The following ROBO4 variants were observed in gnomAD, a reference collection of about 807,000 sequenced individuals.
ROBO4 encodes the protein roundabout guidance receptor 4.
A neutral mutation model predicts 103.3 loss-of-function variants in ROBO4; 80 were observed. The observed-to-expected ratio is 0.77, with a 90% CI of 0.65 to 0.93. ROBO4 has a LOEUF of 0.93. ROBO4 is among the 40% of genes least tolerant of loss of function. ROBO4 has a pLI of 0.00. For missense variants in ROBO4, 1,333 were observed against 1,305.3 expected, an observed-to-expected ratio of 1.02 and a Z score of -0.33; for synonymous variants, 504 against 529.7, an observed-to-expected ratio of 0.95 and a Z score of 0.67.
chr11:124,887,501 T>C lies in ROBO4; in HGVS notation c.2057-2A>G. ...CAACCAGAGCTTGGGGCACAGCTCC[T>C]GGGGAAGAGAAGCCTGGGTGTGAGA... On this transcript the variant is annotated splice_acceptor_variant, in intron 13 of 17. Coordinates refer to ENST00000306534, the MANE Select transcript of ROBO4 (RefSeq NM_019055.6). LOFTEE classifies it high-confidence loss of function. 6.2e-7 allele frequency: 1 copy of C among 1,613,616 alleles called. No individual in the cohort carries two copies.
rs749759161 is a variant in ROBO4, at chr11:124,891,713, C to T, written c.1637G>A (p.Ser546Asn). Residue 546 changes from serine (S) to asparagine (N), a missense_variant, in exon 11 of 18, where the codon AGT becomes AAT. Physicochemically the swap from Ser to Asn is conservative, Grantham distance 46 (BLOSUM62 1). Transcript: ENST00000306534. Reference protein sequence around the residue: ...RDLSSSSSLSSRLGADARDPL... With the variant: ...RDLSSSSSLSNRLGADARDPL... ...GTCCCGGGCATCCGCCCCCAGCCGA[C>T]TGCTGAGGCTGCTGCTGCTGCTCAG... 2 of 1,614,162 alleles carry T rather than the reference C, an allele frequency of 1.2e-6. No homozygotes were observed. The highest frequency in any genetic ancestry group is 1.1e-5 in the South Asian group (1 of 91,082).
chr11:124,892,238 T>C (rs1024595810), intron 10 of ROBO4: 3 of 354,994 alleles, frequency 8.5e-6, no homozygotes, highest in African/African-American at 6.4e-5. Context: ...ACTGATGGTC[T>C]GGGTTTATAT....
chr11:124,893,203 G>T (rs1032156772), intron 10 of ROBO4, among the ~76,000 whole-genome samples: 1 of 152,204 alleles, frequency 6.6e-6, no homozygotes, highest in African/African-American at 2.4e-5. Context: ...AAGCAGAAGG[G>T]CCCATGGGCA....
At position 124,897,251 on chromosome 11, in the gene ROBO4, A is replaced by G; in HGVS notation, c.81T>C (p.Ala27=). The G allele has an allele frequency of 1.4e-6, 2 of 1,445,374 alleles. No individual in the cohort carries two copies. The highest frequency in any genetic ancestry group is 9.1e-7 in the Non-Finnish European group (1 of 1,099,952). The allele number at this position is 1,445,374 out of a possible 1,614,324, so 89.5% of individuals were successfully genotyped here. ...LLLLLIMGGM[A]QDSPPQILVH... ...CTAGGATCTGGGGCGGGGAGTCCTG[A>G]GCCATGCCTCCTGGGAGGGAAAGGG... Residue 27 remains alanine, a synonymous_variant, in exon 2 of 18, where the codon GCT becomes GCC. Coordinates refer to ENST00000306534, the MANE Select transcript of ROBO4 (RefSeq NM_019055.6).
In ROBO4 at chr11:124,885,163, C is replaced by A; in HGVS notation, c.2879G>T (p.Trp960Leu). The A allele has an allele frequency of 1.2e-6, 2 of 1,614,042 alleles. No individual in the cohort carries two copies. Among genetic ancestry groups the A allele is most frequent in the Non-Finnish European group, 1.7e-6 (2 of 1,180,020 alleles). The change falls in exon 17 of 18, where the codon TGG (tryptophan) becomes TTG (leucine). Residue 960 changes from tryptophan to leucine, a missense_variant. By Grantham distance (61) the Trp-to-Leu change is moderately conservative. Coordinates refer to ENST00000306534, the MANE Select transcript of ROBO4 (RefSeq NM_019055.6). Reference protein sequence around the residue: ...SLPLWEWRPDWLEDMEVSHTQ... With the variant: ...SLPLWEWRPDLLEDMEVSHTQ... ...GTGGCTGACCTCCATGTCTTCCAAC[C>A]AGTCTGGCCTCCACTCCCACAGGGG...
At position 124,896,219 on chromosome 11, in the gene ROBO4, C is replaced by T. The variant is rs780263134; in HGVS notation, c.658G>A (p.Ala220Thr). The change falls in exon 4 of 18, where the codon GCA becomes ACA. Residue 220 changes from alanine to threonine, a missense_variant. Transcript: ENST00000306534. ...TTACCCTGGATGGAAACCCGGGCTG[C>T]GCGGCTCTCCCTATGTCCTGCGCTG... is the stretch of plus-strand genomic sequence containing the variant. ...TNSAGHRESR[A>T]ARVSIQEPQD... 35 of 1,613,980 alleles carry T rather than the reference C, an allele frequency of 2.2e-5. No individual in the cohort carries two copies. The East Asian group carries it at 2.5e-4, about 11-fold the overall frequency.
chr11:124,896,438 G>C, intron 3 of ROBO4, 75 bp downstream of exon 3: 1 of 1,589,142 alleles, frequency 6.3e-7, no homozygotes, highest in Non-Finnish European at 8.6e-7. Context: ...GGGGCTGGAC[G>C]GCAGGTCAGT....
At position 124,893,669 on chromosome 11, in the gene ROBO4, C is replaced by T. The variant is rs1256982506; in HGVS notation, c.1547+19G>A. 4 of 1,612,650 alleles carry T rather than the reference C, an allele frequency of 2.5e-6. No homozygotes were observed. The Admixed American group carries it at 6.7e-5, about 27-fold the overall frequency. The stretch of plus-strand genomic sequence containing the variant: ...CTTGCCACCCTCCCTTACTTCAGAC[C>T]TCCCCTTTCACCTCTCACCTGTGTT... On this transcript the variant is annotated intron_variant, in intron 10 of 17. Coordinates refer to ENST00000306534, the MANE Select transcript of ROBO4 (RefSeq NM_019055.6).
At position 124,890,296 on chromosome 11, in the gene ROBO4, TG is replaced by T. The variant is rs370706935; in HGVS notation, c.1948+1002del. The stretch of plus-strand genomic sequence containing the variant: ...GCTGTTAATTATCTTAATCCATCTT[TG>T]TCTTATTAAAAGTTGGATTAAATCC... On this transcript the variant is annotated intron_variant, in intron 12 of 17. Coordinates refer to ENST00000306534, the MANE Select transcript of ROBO4 (RefSeq NM_019055.6). Among the ~76,000 whole-genome samples, 476 of 152,378 alleles carry T rather than the reference TG, an allele frequency of 3.1e-3. 4 individuals are homozygous for T. Among genetic ancestry groups the T allele is most frequent in the African/African-American group, 0.011 (449 of 41,584 alleles).
Position 124,887,179 on chromosome 11 carries a change from G to T in ROBO4, c.2233C>A (p.Leu745Met), listed in dbSNP as rs1035554890. 36 of 1,601,564 alleles carry T rather than the reference G, an allele frequency of 2.2e-5. No individual in the cohort carries two copies. The highest frequency in any genetic ancestry group is 2.8e-5 in the Non-Finnish European group (33 of 1,172,902). Residue 745 changes from leucine (L) to methionine (M), a missense_variant, in exon 15 of 18, where the codon CTG (leucine) becomes ATG (methionine). Transcript: ENST00000306534. ...ATGGGGATGGGGGCTGCTGGCAGCA[G>T]GATGGAGGAGGGAGCCTGTGGTGCC... Reference protein sequence around the residue: ...PVAPQAPSSILLPAAPIPILS... With the variant: ...PVAPQAPSSIMLPAAPIPILS...
intron 7 of ROBO4, 113 bp from the exon 8 acceptor site, chr11:124,894,482 G>T: frequency 9.5e-7 from 1 of 1,053,554 alleles, no homozygotes; most frequent in Non-Finnish European, 1.3e-6. Flanking sequence ...CATCCACTTG[G>T]GGAATGCACC....
chr11:124,887,073 G>A lies in ROBO4; in HGVS notation c.2339C>T (p.Ser780Phe), dbSNP rs369752260. ...ATCCTCCCCCAGGGATGACAGTGAG[G>A]AGCTGGACAGGCGACTGGAAGCTGG... ...PSPASSRLSS[S>F]SLSSLGEDQD... The change falls in exon 15 of 18, where the codon TCC becomes TTC. Residue 780 changes from serine to phenylalanine, a missense_variant. Physicochemically the swap from Ser to Phe is radical, Grantham distance 155. Transcript: ENST00000306534. The A allele has an allele frequency of 6.2e-6, 10 of 1,613,768 alleles. No individual in the cohort carries two copies. Among genetic ancestry groups the A allele is most frequent in the African/African-American group, 2.7e-5 (2 of 74,878 alleles).
Position 124,895,810 on chromosome 11 carries a change from C to G in ROBO4, c.782G>C (p.Arg261Thr). 1.2e-6 allele frequency: 2 copies of G among 1,614,170 alleles called. No homozygotes were observed. Among genetic ancestry groups the G allele is most frequent in the Non-Finnish European group, 1.7e-6 (2 of 1,180,030 alleles). ...CTTCCAGCTGAGCCACACCGCCGGT[C>G]TAGGCTTGGGGCCCTCTGCAGGATC... ...NPDPAEGPKP[R>T]PAVWLSWKVS... The change falls in exon 5 of 18, where the codon AGA becomes ACA. Residue 261 changes from arginine to threonine, a missense_variant. Arg to Thr is a moderately conservative substitution (Grantham distance 71). Transcript: ENST00000306534.
chr11:124,890,303 T>C (rs1392898161), intron 12 of ROBO4, among the ~76,000 whole-genome samples: 1 of 152,156 alleles, frequency 6.6e-6, no homozygotes. Context: ...CTTTGTCTTA[T>C]TAAAAGTTGG....
Position 124,893,880 on chromosome 11 carries a change from G to A in ROBO4, c.1484C>T (p.Ala495Val). ...TAVCIHRRRR[A>V]RVHLGPGLYR... is the part of the protein sequence containing the mutation. The stretch of plus-strand genomic sequence containing the variant: ...CTCACCTGGGCCCAGGTGCACCCTA[G>A]CTCGGCGCCGGCGGTGGATACACAC... The change falls in exon 9 of 18, where the codon GCT (alanine) becomes GTT (valine). Residue 495 changes from alanine (A) to valine (V), a missense_variant. Ala to Val is a moderately conservative substitution (Grantham distance 64). Coordinates refer to ENST00000306534, the MANE Select transcript of ROBO4 (RefSeq NM_019055.6). 6.2e-7 allele frequency: 1 copy of A among 1,613,052 alleles called. No homozygotes were observed. The highest frequency in any genetic ancestry group is 8.5e-7 in the Non-Finnish European group (1 of 1,179,816).
At position 124,895,884 on chromosome 11, in the gene ROBO4, C is replaced by A; in HGVS notation, c.708G>T (p.Glu236Asp). 6.2e-7 allele frequency: 1 copy of A among 1,614,054 alleles called. No homozygotes were observed. Among genetic ancestry groups the A allele is most frequent in the Non-Finnish European group, 8.5e-7 (1 of 1,180,014 alleles). Residue 236 changes from glutamate (E) to aspartate (D), a missense_variant, in exon 5 of 18, where the codon GAG (glutamate) becomes GAT (aspartate). Coordinates refer to ENST00000306534, the MANE Select transcript of ROBO4 (RefSeq NM_019055.6). Reference protein sequence around the residue: ...QEPQDYTEPVELLAVRIQLEN... With the variant: ...QEPQDYTEPVDLLAVRIQLEN... ...CCAGCTGAATTCGCACAGCCAGAAG[C>A]TCCACAGGCTCCGTGTAGTCCTGGG...
At position 124,896,303 on chromosome 11, in the gene ROBO4, G is replaced by A; in HGVS notation, c.574C>T (p.Leu192=). The change falls in exon 4 of 18, where the codon CTG becomes TTG. Residue 192 remains leucine (L), a synonymous_variant. Transcript: ENST00000306534. ...CTCTTCTCTGCTCTTGCCATCAGCA[G>A]GGACCCCCCGGACACCTGTCAGGGC... ...PGRHTVSGGS[L]LMARAEKSDE... The A allele has an allele frequency of 6.2e-7, 1 of 1,614,054 alleles. No homozygotes were observed. Among genetic ancestry groups the A allele is most frequent in the East Asian group, 2.2e-5 (1 of 44,870 alleles).
At position 124,893,743 on chromosome 11, in the gene ROBO4, A is replaced by G. The variant is rs751027272; in HGVS notation, c.1505-13T>C. 5 of 1,613,914 alleles carry G rather than the reference A, an allele frequency of 3.1e-6. No individual in the cohort carries two copies. Among genetic ancestry groups the G allele is most frequent in the African/African-American group, 2.7e-5 (2 of 74,884 alleles). On this transcript the variant is annotated splice_polypyrimidine_tract_variant and intron_variant, in intron 9 of 17. Coordinates refer to ENST00000306534, the MANE Select transcript of ROBO4 (RefSeq NM_019055.6). ...TATCTGTACAGACCTGGGAGAAGGCAGGAGGAAAGCTAAATCCAGAGGCTG... is the reference window on the plus strand; with the variant it reads ...TATCTGTACAGACCTGGGAGAAGGCGGGAGGAAAGCTAAATCCAGAGGCTG...
intron 16 of ROBO4, 62 bp downstream of exon 16, chr11:124,886,402 A>C (rs1378982239): frequency 7.9e-7 from 1 of 1,269,258 alleles, no homozygotes; most frequent in African/African-American, 1.5e-5. Context: ...TGATGACATG[A>C]TAACAGTTGT....
Sources: gnomAD v4.1 joint callset for allele counts (sites outside exome capture counted in the v4.1 genomes callset) on GRCh38, gnomAD v4.1.1 for gene constraint, MANE v1.5 for transcripts, NCBI Gene and HGNC (gene_info 2026-07-23, HGNC 2026-07-21) for gene names.